LRSAM1: variants seen among roughly 807,000 people sequenced by gnomAD.
LRSAM1 encodes the protein leucine rich repeat and sterile alpha motif containing 1, also known as E3 ubiquitin-protein ligase LRSAM1.
Under a neutral mutation model 118.1 loss-of-function variants are expected in LRSAM1, and 96 were observed. That is an observed-to-expected ratio of 0.81 (90% CI 0.69 to 0.96). LRSAM1 has a LOEUF of 0.96. Among genes scored for constraint, LRSAM1 ranks in the 40% least tolerant of loss-of-function variants. The probability of loss-of-function intolerance (pLI) is 0.00; values close to 1 mark genes in which losing one functional copy is unlikely to be tolerated. For missense variants in LRSAM1, 804 were observed against 915.5 expected (o/e 0.88, Z 1.57); for synonymous variants, 322 against 364.2 (o/e 0.88, Z 1.32).
rs539126526 is a variant in LRSAM1 at position 127,465,221 on chromosome 9, G to A, written c.529-2519G>A. ...ATGAGCCGGGATCTGAAGCCATGGC[G>A]GTGTCTTTGGCACAGCAATGTCCAG... On this transcript the variant is annotated intron_variant, in intron 9 of 25. Coordinates refer to ENST00000300417, the MANE Select transcript of LRSAM1 (RefSeq NM_001005373.4). The surrounding 1 kb of genome is among the most constrained non-coding windows in gnomAD (Gnocchi z 4.1). Among the ~76,000 whole-genome samples the A allele has an allele frequency of 1.6e-4, 24 of 152,208 alleles. No individual in the cohort carries two copies. In the South Asian group the frequency reaches 1.7e-3, roughly 11 times the overall value.
At chr9:127,472,461 C>T (rs369813487) in intron 10 of LRSAM1, among the ~76,000 whole-genome samples, 6 of 151,678 alleles carry the variant, frequency 4.0e-5, no homozygotes, top group Admixed American at 1.3e-4. Context: ...TACCAACATG[C>T]GGAAACCCTG....
chr9:127,482,263 A>G (rs1835569995), intron 15 of LRSAM1, among the ~76,000 whole-genome samples: 1 of 150,120 alleles, frequency 6.7e-6, no homozygotes, highest in Non-Finnish European at 1.5e-5. Flanking sequence ...CTGCCTCAGC[A>G]TCCCGAGTAG....
rs1350825101 is a variant in LRSAM1, at chr9:127,496,181, TC to T, written c.1830+88del. 3 of 1,565,332 alleles carry T rather than the reference TC, an allele frequency of 1.9e-6. No homozygotes were observed. In the African/African-American group the frequency reaches 4.0e-5, roughly 21 times the overall value. On this transcript the variant is annotated intron_variant, in intron 23 of 25. Coordinates refer to ENST00000300417, the MANE Select transcript of LRSAM1 (RefSeq NM_001005373.4). ...GGGGGTTGATCTGCTCCTTGTGTAG[TC>T]CTCGTTGAGGCCTGTCCTTACCTAA...
At chr9:127,479,700 A>T in intron 13 of LRSAM1, 139 bp from the exon 14 acceptor site, 1 of 1,348,746 alleles carries the variant, frequency 7.4e-7, no homozygotes, top group Non-Finnish European at 1.0e-6. Flanking sequence ...ACTGTAGCCT[A>T]CTGGGAGGAG....
At chr9:127,453,323 C>G (rs1347939607) in intron 2 of LRSAM1, among the ~76,000 whole-genome samples, 2 of 152,176 alleles carry the variant, frequency 1.3e-5, no homozygotes, top group African/African-American at 4.8e-5. Flanking sequence ...CTCAAGTGAC[C>G]CACCTGTCTT....
chr9:127,458,186 G>T (rs1015750283), intron 6 of LRSAM1, among the ~76,000 whole-genome samples: 1 of 151,890 alleles, frequency 6.6e-6, no homozygotes, highest in Non-Finnish European at 1.5e-5. Context: ...TTCAAGACCA[G>T]CCTGGCCAAC....
At chr9:127,497,670 C>A (rs1260629036) in intron 24 of LRSAM1, among the ~76,000 whole-genome samples, 1 of 152,204 alleles carries the variant, frequency 6.6e-6, no homozygotes, top group Non-Finnish European at 1.5e-5. Context: ...AGAAATAGCC[C>A]GTCCCCAGGG....
chr9:127,462,449 T>C, intron 9 of LRSAM1, 76 bp downstream of exon 9: 1 of 1,608,232 alleles, frequency 6.2e-7, no homozygotes, highest in African/African-American at 1.3e-5. Flanking sequence ...TACTGAGTGC[T>C]TGCTCTGATC....
intron 11 of LRSAM1, among the ~76,000 whole-genome samples, chr9:127,476,220 A>C (rs1038972899): frequency 1.3e-5 from 2 of 152,210 alleles, no homozygotes; most frequent in African/African-American, 4.8e-5. Flanking sequence ...GGTCATGTGC[A>C]CACCATGAGA....
chr9:127,471,467 T>C (rs1371795902), intron 10 of LRSAM1, among the ~76,000 whole-genome samples: 1 of 96,886 alleles, frequency 1.0e-5, no homozygotes, highest in African/African-American at 4.2e-5. Flanking sequence ...AGAGACCTTA[T>C]GTTATAAAAA....
At position 127,487,735 on chromosome 9, in the gene LRSAM1, A is replaced by C; in HGVS notation, c.1319A>C (p.Asn440Thr). ...CTGTCGTGGCAGCAAATGGATCAGA[A>C]CAAAGCCATCAGCCAGATCCTGCAG... ...QILSWQQMDQ[N>T]KAISQILQES... The change falls in exon 18 of 26, where the codon AAC (asparagine) becomes ACC (threonine). Residue 440 changes from asparagine (N) to threonine (T), a missense_variant. Coordinates refer to ENST00000300417, the MANE Select transcript of LRSAM1 (RefSeq NM_001005373.4). 2 of 1,613,674 alleles carry C rather than the reference A, an allele frequency of 1.2e-6. No homozygotes were observed. The highest frequency in any genetic ancestry group is 8.5e-7 in the Non-Finnish European group (1 of 1,179,834).
intron 7 of LRSAM1, among the ~76,000 whole-genome samples, 153 bp downstream of exon 7, chr9:127,459,224 T>TG (rs1295762213): frequency 6.6e-6 from 1 of 151,008 alleles, no homozygotes; most frequent in Non-Finnish European, 1.5e-5. Context: ...GGGGTTTTTT[T>TG]TTTTTTTTTT....
chr9:127,496,132 GC>G lies in LRSAM1; in HGVS notation c.1830+38del, dbSNP rs1564282880. 1.9e-6 allele frequency: 3 copies of G among 1,601,856 alleles called. No homozygotes were observed. The Admixed American group carries it at 5.0e-5, about 27-fold the overall frequency. Reference sequence around the variant, plus strand: ...CCGTCTGCATGGAGGGGAGGGGCACGCAAGGCCGCTGTCCTGACCAGCCGGG... The same window carrying G: ...CCGTCTGCATGGAGGGGAGGGGCACGAAGGCCGCTGTCCTGACCAGCCGGG... On this transcript the variant is annotated intron_variant, in intron 23 of 25. Transcript: ENST00000300417.
rs747044588 is a variant in LRSAM1, at chr9:127,482,934, A to G, written c.1089-16A>G. The G allele has an allele frequency of 1.9e-6, 3 of 1,551,948 alleles. No homozygotes were observed. On this transcript the variant is annotated splice_polypyrimidine_tract_variant and intron_variant, in intron 15 of 25. Coordinates refer to ENST00000300417, the MANE Select transcript of LRSAM1 (RefSeq NM_001005373.4). ...AATGTTAAATTTGCTGAATGAATGG[A>G]TGGATTTTTTTCTAGAATAAGAATG...
intron 10 of LRSAM1, among the ~76,000 whole-genome samples, chr9:127,468,810 CAAAAAAAAAA>C (rs1185949155): frequency 1.3e-3 from 22 of 16,446 alleles, no homozygotes; most frequent in African/African-American, 3.3e-3. Context: ...CCTGTCTCTA[CAAAAAAAAAA>C]AAAAAAAAAA....
At chr9:127,462,977 C>T (rs993890699) in intron 9 of LRSAM1, among the ~76,000 whole-genome samples, 2 of 152,036 alleles carry the variant, frequency 1.3e-5, no homozygotes, top group Non-Finnish European at 2.9e-5. Context: ...AGGTGGATCA[C>T]TTGAGGTTAG....
Position 127,502,904 on chromosome 9 carries a change from T to C in LRSAM1, c.*5T>C. 2 of 1,591,998 alleles carry C rather than the reference T, an allele frequency of 1.3e-6. No individual in the cohort carries two copies. Among genetic ancestry groups the C allele is most frequent in the Non-Finnish European group, 1.7e-6 (2 of 1,170,566 alleles). ...CGCATCTACCACAGCAGCTGAGTGC[T>C]GCCCGCCCACCTGGGCCTGGTCCTA... On this transcript the variant is annotated 3_prime_UTR_variant, in exon 26 of 26. Transcript: ENST00000300417.
chr9:127,490,138 G>GT (rs1554759665), intron 19 of LRSAM1, among the ~76,000 whole-genome samples: 1 of 152,086 alleles, frequency 6.6e-6, no homozygotes, highest in African/African-American at 2.4e-5. Flanking sequence ...CGCCTGTGGA[G>GT]TGGGGCTGGG....
At chr9:127,487,328 G>C (rs994309073) in intron 17 of LRSAM1, among the ~76,000 whole-genome samples, 6 of 152,190 alleles carry the variant, frequency 3.9e-5, no homozygotes, top group Non-Finnish European at 1.5e-5. Context: ...ATACTTCGGT[G>C]GCTCACCACC....
Sources: gnomAD v4.1 joint callset for allele counts (sites outside exome capture counted in the v4.1 genomes callset) on GRCh38, gnomAD v4.1.1 for gene constraint, Gnocchi (gnomAD v3.1) non-coding constraint, MANE v1.5 for transcripts, NCBI Gene and HGNC (gene_info 2026-07-23, HGNC 2026-07-21) for gene names.